CD80: variants seen among roughly 807,000 people sequenced by gnomAD.
CD80 encodes T-lymphocyte activation antigen CD80.
Under a neutral mutation model 27.1 loss-of-function variants are expected in CD80, and 13 were observed. The observed-to-expected ratio is 0.48, with a 90% CI of 0.31 to 0.76. The LOEUF (loss-of-function observed/expected upper bound fraction) is 0.76, where lower values mean the gene tolerates loss of function less well. Ranked by LOEUF, CD80 falls within the 30% of genes least tolerant of loss-of-function variation. The pLI, the probability that CD80 is intolerant of heterozygous loss-of-function variation, is 0.04. For synonymous variants in CD80, 125 were observed against 125.5 expected, an observed-to-expected ratio of 1.00 and a Z score of 0.03; for missense variants, 277 against 347.9, an observed-to-expected ratio of 0.80 and a Z score of 1.62.
chr3:119,556,369 C>T (rs544439618), intron 2 of CD80, among the ~76,000 whole-genome samples: 1 of 151,222 alleles, frequency 6.6e-6, no homozygotes, highest in Non-Finnish European at 1.5e-5. Flanking sequence ...CCCCTCCCTG[C>T]CCCCCTTATT....
At chr3:119,539,780 A>T (rs1418379234) in intron 3 of CD80, among the ~76,000 whole-genome samples, 1 of 152,236 alleles carries the variant, frequency 6.6e-6, no homozygotes, top group Non-Finnish European at 1.5e-5. Context: ...TCTGAGCCCC[A>T]CAGAGATGTC....
chr3:119,540,298 G>A (rs1156790298), intron 3 of CD80, among the ~76,000 whole-genome samples: 2 of 152,208 alleles, frequency 1.3e-5, no homozygotes, highest in South Asian at 4.1e-4. Context: ...TCTTAGGTAA[G>A]CCCCCTCATT....
At chr3:119,546,877 A>C (rs974108355) in intron 2 of CD80, among the ~76,000 whole-genome samples, 4 of 151,846 alleles carry the variant, frequency 2.6e-5, no homozygotes, top group Non-Finnish European at 4.4e-5. Context: ...TAAACTACAG[A>C]ACTGCATTTA....
At chr3:119,531,154 G>A (rs561762893) in intron 4 of CD80, among the ~76,000 whole-genome samples, 2 of 152,368 alleles carry the variant, frequency 1.3e-5, no homozygotes, top group Non-Finnish European at 2.9e-5. Context: ...CATTACAATA[G>A]ATTTCACCTT....
intron 3 of CD80, among the ~76,000 whole-genome samples, chr3:119,538,523 T>C (rs1040947638): frequency 1.3e-5 from 2 of 152,156 alleles, no homozygotes; most frequent in Admixed American, 6.5e-5. Context: ...TATCCTAAAT[T>C]TGTGGTTAGC....
intron 4 of CD80, among the ~76,000 whole-genome samples, chr3:119,531,955 C>G (rs970246839): frequency 1.3e-5 from 2 of 152,158 alleles, no homozygotes; most frequent in Admixed American, 6.5e-5. Flanking sequence ...TGAGCCACTG[C>G]GCCTGGCCTA....
At chr3:119,541,745 G>C (rs2082169566) in intron 3 of CD80, among the ~76,000 whole-genome samples, 1 of 152,186 alleles carries the variant, frequency 6.6e-6, no homozygotes, top group African/African-American at 2.4e-5. Context: ...GGAAAATTCA[G>C]AATGCTTCTC....
intron 2 of CD80, among the ~76,000 whole-genome samples, chr3:119,553,166 GT>G: frequency 6.6e-6 from 1 of 151,100 alleles, no homozygotes; most frequent in Non-Finnish European, 1.5e-5. Flanking sequence ...CTGAGGCAGA[GT>G]CTCGCTCTGT....
intron 3 of CD80, among the ~76,000 whole-genome samples, chr3:119,542,691 G>A (rs1435233141): frequency 2.0e-5 from 3 of 152,104 alleles, no homozygotes; most frequent in Non-Finnish European, 2.9e-5. Context: ...TCACTCCTGG[G>A]TGTAGGCTGA....
intron 2 of CD80, among the ~76,000 whole-genome samples, chr3:119,546,017 A>C (rs1480074617): frequency 1.3e-5 from 2 of 152,252 alleles, no homozygotes; most frequent in Non-Finnish European, 2.9e-5. Context: ...GATTGCATAA[A>C]AAACAAATTT....
chr3:119,533,391 C>T (rs6767853), intron 4 of CD80, among the ~76,000 whole-genome samples: 3,726 of 142,886 alleles, frequency 0.026, 149 homozygotes, highest in African/African-American at 0.091. Context: ...GCGCAATCCG[C>T]TTAATTAATA....
At chr3:119,559,036 AC>A (rs2082279013) in intron 1 of CD80, among the ~76,000 whole-genome samples, 1 of 152,084 alleles carries the variant, frequency 6.6e-6, no homozygotes, top group African/African-American at 2.4e-5. Context: ...AGACTTATTC[AC>A]CAGAATTTGT....
intron 2 of CD80, among the ~76,000 whole-genome samples, chr3:119,552,786 A>G (rs913205904): frequency 2.0e-5 from 3 of 152,226 alleles, no homozygotes; most frequent in Admixed American, 2.0e-4. Context: ...CCTGAAAGAC[A>G]TAATGCTCAG....
At chr3:119,541,318 G>C (rs2082167351) in intron 3 of CD80, among the ~76,000 whole-genome samples, 2 of 152,196 alleles carry the variant, frequency 1.3e-5, no homozygotes, top group Non-Finnish European at 2.9e-5. Context: ...CATTAACCTA[G>C]TTAAGCTGTT....
chr3:119,547,124 GCCTAGAGGCTCCT>G, intron 2 of CD80, among the ~76,000 whole-genome samples: 1 of 152,148 alleles, frequency 6.6e-6, no homozygotes, highest in Non-Finnish European at 1.5e-5. Flanking sequence ...TAACATCCTT[GCCTAGAGGCTCCT>G]GGTTGTTGGT....
At chr3:119,543,887 CTTTTTTTTT>C (rs71619749) in intron 3 of CD80, among the ~76,000 whole-genome samples, 1 of 99,130 alleles carries the variant, frequency 1.0e-5, no homozygotes, top group East Asian at 2.5e-4. Context: ...CTCCATTGTT[CTTTTTTTTT>C]TTTTTTTTTT....
At chr3:119,541,805 C>T (rs115007751) in intron 3 of CD80, among the ~76,000 whole-genome samples, 256 of 152,234 alleles carry the variant, frequency 1.7e-3, no homozygotes, top group African/African-American at 5.9e-3. Flanking sequence ...TGGATTTTGT[C>T]CACCCACACA....
chr3:119,527,538 AG>A (rs3830649), intron 6 of CD80, 194 bp downstream of exon 6: 89,206 of 480,000 alleles, frequency 0.19, 8,931 homozygotes, highest in East Asian at 0.31. Context: ...ACATGGCAAA[AG>A]AAGAGGTTAC....
intron 3 of CD80, among the ~76,000 whole-genome samples, chr3:119,542,472 G>A (rs938675591): frequency 6.6e-6 from 1 of 152,144 alleles, no homozygotes; most frequent in Non-Finnish European, 1.5e-5. Context: ...AGAGGCTCAA[G>A]TCCCAGGGGA....
Sources: gnomAD v4.1 joint callset for allele counts (sites outside exome capture counted in the v4.1 genomes callset) on GRCh38, gnomAD v4.1.1 for gene constraint, MANE v1.5 for transcripts, NCBI Gene and HGNC (gene_info 2026-07-23, HGNC 2026-07-21) for gene names.